CPM: variants seen among roughly 807,000 people sequenced by gnomAD.
CPM encodes the protein carboxypeptidase M.
CPM carries 35 observed loss-of-function variants against 46.4 expected under a neutral mutation model. That is an observed-to-expected ratio of 0.75 (90% CI 0.58 to 1.00). The LOEUF (loss-of-function observed/expected upper bound fraction) is 1.00, where lower values mean the gene tolerates loss of function less well. Ranked by LOEUF, CPM falls within the 50% of genes least tolerant of loss-of-function variation. The pLI, the probability that CPM is intolerant of heterozygous loss-of-function variation, is 0.00. For synonymous variants in CPM, 195 were observed against 195.3 expected, an observed-to-expected ratio of 1.00 and a Z score of 0.01; for missense variants, 422 against 530.4, an observed-to-expected ratio of 0.80 and a Z score of 2.01.
At chr12:68,930,157 T>G (rs576901584) in intron 2 of CPM, among the ~76,000 whole-genome samples, 1 of 152,214 alleles carries the variant, frequency 6.6e-6, no homozygotes, top group East Asian at 1.9e-4. Flanking sequence ...CTTGGCCCAC[T>G]GCAACCTCTG....
chr12:68,945,579 G>T (rs1351065273), intron 1 of CPM, among the ~76,000 whole-genome samples: 1 of 152,182 alleles, frequency 6.6e-6, no homozygotes, highest in African/African-American at 2.4e-5. Flanking sequence ...TGTATTCCCA[G>T]GTGCCTTGTT....
intron 7 of CPM, 76 bp downstream of exon 7, chr12:68,866,820 C>A (rs534647240): frequency 8.0e-7 from 1 of 1,244,190 alleles, no homozygotes; most frequent in Non-Finnish European, 1.1e-6. Context: ...TAAAGGCTTG[C>A]GTTTAGTCAA....
chr12:68,926,669 G>A (rs945182110), intron 2 of CPM, among the ~76,000 whole-genome samples: 25 of 151,822 alleles, frequency 1.6e-4, no homozygotes, highest in Non-Finnish European at 1.9e-4. Flanking sequence ...CCATTAACTC[G>A]TCATTTAGCA....
chr12:68,915,798 G>C (rs1393544490), intron 2 of CPM, among the ~76,000 whole-genome samples: 1 of 152,134 alleles, frequency 6.6e-6, no homozygotes, highest in Non-Finnish European at 1.5e-5. Flanking sequence ...GACACATTTG[G>C]GTTACCGAAC....
intron 1 of CPM, among the ~76,000 whole-genome samples, chr12:68,938,807 T>TACAC (rs745482830): frequency 1.0e-4 from 15 of 149,750 alleles, no homozygotes; most frequent in Non-Finnish European, 1.6e-4. Context: ...TATGTGTGTA[T>TACAC]ACACACACAC....
Position 68,856,141 on chromosome 12 carries a change from G to T in CPM, c.*296C>A. 3.1e-6 allele frequency: 1 copy of T among 325,634 alleles called. No individual in the cohort carries two copies. Among genetic ancestry groups the T allele is most frequent in the East Asian group, 5.4e-5 (1 of 18,370 alleles). The allele number at this position is 325,634 out of a possible 1,614,324, so 20.2% of individuals were successfully genotyped here. A position where few individuals can be genotyped will look rare whatever the true frequency, so the allele number is the denominator to read the frequency against. ...ATCTTCTTTTTGCAGGCATTTTTTT[G>T]CTTCTCAAGTTTTAACTTCTTACAC... On this transcript the variant is annotated 3_prime_UTR_variant, in exon 9 of 9. Transcript: ENST00000551568.
At chr12:68,843,538 C>T (rs1883990856) in intron 5 of CPM, 1 of 226,342 alleles carries the variant, frequency 4.4e-6, no homozygotes, top group Non-Finnish European at 8.8e-6. Flanking sequence ...GAATCTTAAG[C>T]AAAACAGTGA....
In CPM at chr12:68,910,663, A is replaced by G. The variant is rs577806673; in HGVS notation, c.160+22015T>C. Among the ~76,000 whole-genome samples, 4 of 152,344 alleles carry G rather than the reference A, an allele frequency of 2.6e-5. No homozygotes were observed. The South Asian group carries it at 8.3e-4, about 32-fold the overall frequency. ...AACTATTATTTTTTTAAAATATGGCAAAACACATATAACAAAATTTGTTAT... is the reference window on the plus strand; with the variant it reads ...AACTATTATTTTTTTAAAATATGGCGAAACACATATAACAAAATTTGTTAT... On this transcript the variant is annotated intron_variant, in intron 2 of 8. Transcript: ENST00000551568.
chr12:68,962,207 A>AC (rs1889133494), intron 1 of CPM, among the ~76,000 whole-genome samples: 2 of 71,300 alleles, frequency 2.8e-5, no homozygotes, highest in African/African-American at 6.7e-5. Flanking sequence ...CTCAAAAAAA[A>AC]AAAAAAAAAA....
chr12:68,872,003 T>C, intron 3 of CPM, 47 bp from the exon 4 acceptor site: 1 of 1,599,564 alleles, frequency 6.3e-7, no homozygotes, highest in Non-Finnish European at 8.6e-7. Context: ...TCAGAGGCAA[T>C]AAGGAAAGCA....
At chr12:68,843,314 G>A (rs533217678) in intron 5 of CPM, 1 of 227,906 alleles carries the variant, frequency 4.4e-6, no homozygotes, top group South Asian at 1.8e-4. Flanking sequence ...GAGAGAGAGA[G>A]AGTAGGGTGA....
In CPM at chr12:68,852,526, G is replaced by C. The variant is rs1884752606; in HGVS notation, c.*3911C>G. ...AATGTGTGGCGGATTTGAATCCAGG[G>C]CTTCTGCCTTTTTTCTTTCTTTCTT... On this transcript the variant is annotated 3_prime_UTR_variant, in exon 9 of 9. Coordinates refer to ENST00000551568, the MANE Select transcript of CPM (RefSeq NM_198320.5). 6.6e-6 allele frequency: 1 copy of C among 151,128 alleles called. No homozygotes were observed. Among genetic ancestry groups the C allele is most frequent in the Non-Finnish European group, 1.5e-5 (1 of 67,930 alleles). The allele number at this position is 151,128 out of a possible 1,614,324, so 9.4% of individuals were successfully genotyped here. A position where few individuals can be genotyped will look rare whatever the true frequency, so the allele number is the denominator to read the frequency against.
In CPM at chr12:68,853,889, GC is replaced by G. The variant is rs1201369162; in HGVS notation, c.*2547del. 6.6e-6 allele frequency: 1 copy of G among 151,578 alleles called. No homozygotes were observed. The highest frequency in any genetic ancestry group is 2.4e-5 in the African/African-American group (1 of 41,330). The allele number at this position is 151,578 out of a possible 1,614,324, so 9.4% of individuals were successfully genotyped here. On this transcript the variant is annotated 3_prime_UTR_variant, in exon 9 of 9. Transcript: ENST00000551568. The stretch of plus-strand genomic sequence containing the variant: ...GGAAAGAAATCTGCTCACCAGAGTT[GC>G]TATTTTTTTTTTCTTTTCTGTTTAG...
chr12:68,943,021 A>G (rs533550525), intron 1 of CPM, among the ~76,000 whole-genome samples: 1 of 152,306 alleles, frequency 6.6e-6, no homozygotes, highest in African/African-American at 2.4e-5. Context: ...TGTTTCCCCC[A>G]TGGCATCTAG....
In CPM at chr12:68,854,315, T is replaced by C. The variant is rs1884862594; in HGVS notation, c.*2122A>G. On this transcript the variant is annotated 3_prime_UTR_variant, in exon 9 of 9. Coordinates refer to ENST00000551568, the MANE Select transcript of CPM (RefSeq NM_198320.5). ...CATTCATTCAGTACCTACTATGTGC[T>C]AGGCTTTGAGGATATAACAATGAAT... 1 of 152,270 alleles carries C rather than the reference T, an allele frequency of 6.6e-6. No homozygotes were observed. The highest frequency in any genetic ancestry group is 2.4e-5 in the African/African-American group (1 of 41,472). The allele number at this position is 152,270 out of a possible 1,614,324, so 9.4% of individuals were successfully genotyped here. A position where few individuals can be genotyped will look rare whatever the true frequency, so the allele number is the denominator to read the frequency against.
chr12:68,914,259 C>A (rs1051290432), intron 2 of CPM, among the ~76,000 whole-genome samples: 2 of 152,020 alleles, frequency 1.3e-5, no homozygotes, highest in Non-Finnish European at 2.9e-5. Flanking sequence ...CCCGCCCCCA[C>A]CCCCAGGTTC....
At chr12:68,952,912 G>A (rs1888957673) in intron 1 of CPM, among the ~76,000 whole-genome samples, 1 of 152,194 alleles carries the variant, frequency 6.6e-6, no homozygotes, top group South Asian at 2.1e-4. Context: ...GGTGGATCTG[G>A]AGAACATGAG....
upstream of CPM, among the ~76,000 whole-genome samples, chr12:68,936,472 C>T (rs1183354580): frequency 6.6e-6 from 1 of 152,118 alleles, no homozygotes; most frequent in Admixed American, 6.5e-5. Flanking sequence ...CAACCTCCAC[C>T]TCCCGGGTTC....
chr12:68,905,182 T>A (rs1241527164), intron 2 of CPM, among the ~76,000 whole-genome samples: 3 of 152,016 alleles, frequency 2.0e-5, no homozygotes, highest in Non-Finnish European at 2.9e-5. Context: ...GGTGCTAGGA[T>A]TACAGGCGTG....
Sources: gnomAD v4.1 joint callset for allele counts (sites outside exome capture counted in the v4.1 genomes callset) on GRCh38, gnomAD v4.1.1 for gene constraint, MANE v1.5 for transcripts, NCBI Gene and HGNC (gene_info 2026-07-23, HGNC 2026-07-21) for gene names.